LRRTM4: variants seen among roughly 807,000 people sequenced by gnomAD.
LRRTM4 encodes the protein leucine-rich repeat transmembrane neuronal protein 4.
A neutral mutation model predicts 47.6 loss-of-function variants in LRRTM4; 25 were observed. The ratio of observed to expected loss-of-function variants is 0.53; its 90% CI spans 0.38 to 0.73. The LOEUF is 0.73. Among genes scored for constraint, LRRTM4 ranks in the 30% least tolerant of loss-of-function variants. LRRTM4 has a pLI of 0.00. For missense variants in LRRTM4, 638 were observed against 713.4 expected, an observed-to-expected ratio of 0.89 and a Z score of 1.20; for synonymous variants, 311 against 269.5, an observed-to-expected ratio of 1.15 and a Z score of -1.51.
intron 3 of LRRTM4, among the ~76,000 whole-genome samples, chr2:77,370,531 T>C (rs1338494695): frequency 6.6e-6 from 1 of 151,628 alleles, no homozygotes; most frequent in Non-Finnish European, 1.5e-5. Flanking sequence ...AATATTTATA[T>C]GGCTGCTGAG....
Position 76,881,284 on chromosome 2 carries a change from A to G in LRRTM4, c.1552-132368T>C, listed in dbSNP as rs189919526. On this transcript the variant is annotated intron_variant, in intron 3 of 3. Transcript: ENST00000409884. ...TAATTAGCAATCAAGTTTGAGGGCA[A>G]AATGAAATGATTTTAGACATTCAAC... Among the ~76,000 whole-genome samples, 644 of 152,270 alleles carry G rather than the reference A, an allele frequency of 4.2e-3. 5 individuals carry two copies. Among genetic ancestry groups the G allele is most frequent in the Non-Finnish European group, 5.3e-3 (359 of 67,998 alleles).
chr2:76,972,051 G>A (rs1573386481), intron 3 of LRRTM4, among the ~76,000 whole-genome samples: 1 of 151,930 alleles, frequency 6.6e-6, no homozygotes, highest in Non-Finnish European at 1.5e-5. Context: ...TTAAAATATA[G>A]TACTAGAACC....
At chr2:77,112,875 G>A (rs1215869490) in intron 3 of LRRTM4, among the ~76,000 whole-genome samples, 1 of 152,110 alleles carries the variant, frequency 6.6e-6, no homozygotes, top group Non-Finnish European at 1.5e-5. Flanking sequence ...TTGCTGGACG[G>A]AACGCATGGC....
intron 3 of LRRTM4, among the ~76,000 whole-genome samples, chr2:76,978,905 G>A (rs1181137740): frequency 6.6e-6 from 1 of 151,950 alleles, no homozygotes; most frequent in Non-Finnish European, 1.5e-5. Flanking sequence ...AGAAATGAAG[G>A]GAAAGTGCAG....
chr2:77,195,262 G>A (rs1471643989), intron 3 of LRRTM4, among the ~76,000 whole-genome samples: 2 of 151,810 alleles, frequency 1.3e-5, no homozygotes, highest in Non-Finnish European at 2.9e-5. Flanking sequence ...AATATATTTA[G>A]ATTGACTCAT....
chr2:76,816,553 T>G (rs1670900816), intron 3 of LRRTM4, among the ~76,000 whole-genome samples: 1 of 151,988 alleles, frequency 6.6e-6, no homozygotes, highest in Non-Finnish European at 1.5e-5. Flanking sequence ...TATTTTTATT[T>G]ATTTTTTATT....
At chr2:77,076,450 G>C (rs1299314360) in intron 3 of LRRTM4, among the ~76,000 whole-genome samples, 2 of 152,098 alleles carry the variant, frequency 1.3e-5, no homozygotes, top group African/African-American at 4.8e-5. Flanking sequence ...TTGAAATATA[G>C]TCAGAGAATG....
intron 3 of LRRTM4, among the ~76,000 whole-genome samples, chr2:77,393,045 G>A (rs935835801): frequency 2.6e-5 from 4 of 151,886 alleles, no homozygotes; most frequent in Non-Finnish European, 5.9e-5. Flanking sequence ...ATCAAAGGTA[G>A]ACAAAACATT....
At chr2:77,182,612 A>G (rs1673381147) in intron 3 of LRRTM4, among the ~76,000 whole-genome samples, 2 of 152,278 alleles carry the variant, frequency 1.3e-5, no homozygotes, top group South Asian at 2.1e-4. Context: ...TTCTAGATAT[A>G]CAATCATGTC....
At chr2:77,448,364 T>C (rs1676133093) in intron 3 of LRRTM4, among the ~76,000 whole-genome samples, 2 of 152,204 alleles carry the variant, frequency 1.3e-5, no homozygotes, top group Non-Finnish European at 2.9e-5. Context: ...TTATCACTCA[T>C]GATATACATA....
At chr2:76,985,772 A>T (rs958066895) in intron 3 of LRRTM4, among the ~76,000 whole-genome samples, 1 of 151,986 alleles carries the variant, frequency 6.6e-6, no homozygotes, top group Non-Finnish European at 1.5e-5. Context: ...TTGTGTTTGT[A>T]TATTATAGTG....
At chr2:77,020,861 C>T (rs180934009) in intron 3 of LRRTM4, among the ~76,000 whole-genome samples, 1 of 152,128 alleles carries the variant, frequency 6.6e-6, no homozygotes, top group Non-Finnish European at 1.5e-5. Context: ...CATTTTCTGT[C>T]CATGGATTGG....
At chr2:77,056,910 C>T (rs551052876) in intron 3 of LRRTM4, among the ~76,000 whole-genome samples, 4 of 152,106 alleles carry the variant, frequency 2.6e-5, no homozygotes, top group East Asian at 1.9e-4. Context: ...TTTTTTCATA[C>T]AGACAAACTA....
chr2:76,852,712 T>G (rs1049921302), intron 3 of LRRTM4, among the ~76,000 whole-genome samples: 11 of 152,176 alleles, frequency 7.2e-5, no homozygotes, highest in African/African-American at 1.7e-4. Context: ...AAGGCACTCT[T>G]AACTCTTTCA....
At chr2:77,034,475 C>T (rs938605269) in intron 3 of LRRTM4, among the ~76,000 whole-genome samples, 5 of 151,906 alleles carry the variant, frequency 3.3e-5, no homozygotes, top group South Asian at 4.1e-4. Flanking sequence ...AAACATGATG[C>T]CTTTCAAGCT....
chr2:76,929,626 C>T (rs1674701352), intron 3 of LRRTM4, among the ~76,000 whole-genome samples: 1 of 152,104 alleles, frequency 6.6e-6, no homozygotes, highest in Non-Finnish European at 1.5e-5. Flanking sequence ...AGAGAGTAGA[C>T]ATGTTTCTTT....
At chr2:77,068,713 T>C (rs1490049141) in intron 3 of LRRTM4, among the ~76,000 whole-genome samples, 1 of 152,238 alleles carries the variant, frequency 6.6e-6, no homozygotes, top group Non-Finnish European at 1.5e-5. Context: ...GTTATTCAGT[T>C]GATTGACATT....
intron 3 of LRRTM4, among the ~76,000 whole-genome samples, chr2:77,016,116 A>C (rs1678059436): frequency 6.6e-6 from 1 of 152,054 alleles, no homozygotes; most frequent in Non-Finnish European, 1.5e-5. Context: ...ATCCGGGAGC[A>C]GTGGCTCATG....
chr2:76,802,211 A>T (rs933979198), intron 3 of LRRTM4, among the ~76,000 whole-genome samples: 1 of 146,354 alleles, frequency 6.8e-6, no homozygotes, highest in Non-Finnish European at 1.5e-5. Context: ...ATGATCTTAT[A>T]TACAAAAAAT....
Sources: allele counts gnomAD v4.1 joint callset (sites outside exome capture counted in the v4.1 genomes callset), GRCh38; gene constraint gnomAD v4.1.1; transcripts MANE v1.5; gene names NCBI Gene and HGNC (gene_info 2026-07-23, HGNC 2026-07-21).